DPP10: variants seen among roughly 807,000 people sequenced by gnomAD.
The protein encoded by DPP10 is inactive dipeptidyl peptidase 10.
In DPP10, 33 loss-of-function variants were observed where a neutral mutation model predicts 120.9. The ratio of observed to expected loss-of-function variants is 0.27; its 90% CI spans 0.21 to 0.37. DPP10 has a LOEUF of 0.37. Ranked by LOEUF, DPP10 falls within the 10% of genes least tolerant of loss-of-function variation. DPP10 has a pLI of 1.00. For synonymous variants in DPP10, 337 were observed against 326.1 expected (o/e 1.03, Z -0.36); for missense variants, 816 against 942.8 (o/e 0.87, Z 1.76).
intron 1 of DPP10, among the ~76,000 whole-genome samples, chr2:114,852,855 G>C: frequency 6.6e-6 from 1 of 152,208 alleles, no homozygotes; most frequent in Middle Eastern, 3.4e-3. Context: ...TATCTGGAAA[G>C]CAACTTCAAA....
chr2:114,481,218 C>G (rs550834308), intron 1 of DPP10, among the ~76,000 whole-genome samples: 22 of 151,938 alleles, frequency 1.4e-4, no homozygotes, highest in Non-Finnish European at 2.5e-4. Context: ...ATAGAGCTCT[C>G]TAACCTCAAA....
chr2:114,469,916 A>G (rs1679765326), intron 1 of DPP10, among the ~76,000 whole-genome samples: 1 of 152,184 alleles, frequency 6.6e-6, no homozygotes, highest in Non-Finnish European at 1.5e-5. Flanking sequence ...AGAGAAAGAC[A>G]GTTGGGGGAC....
chr2:114,861,441 A>C lies in DPP10; in HGVS notation c.60+418603A>C, dbSNP rs1460739896. ...TAAGAGTATCATTCTCAACTGAATG[A>C]AAAGTACCATATATTTTCTAAACCA... On this transcript the variant is annotated intron_variant, in intron 1 of 25. Coordinates refer to ENST00000410059, the MANE Select transcript of DPP10 (RefSeq NM_020868.6). 2.0e-5 allele frequency among the ~76,000 whole-genome samples: 3 copies of C among 152,208 alleles called. No homozygotes were observed. The East Asian group carries it at 5.8e-4, about 29-fold the overall frequency.
intron 1 of DPP10, among the ~76,000 whole-genome samples, chr2:115,145,357 T>C (rs1004862158): frequency 2.6e-5 from 4 of 152,282 alleles, no homozygotes; most frequent in East Asian, 3.9e-4. Context: ...ACTGTCTCCA[T>C]AGTTTTGTCT....
At chr2:115,802,165 A>G (rs552540953) in intron 19 of DPP10, among the ~76,000 whole-genome samples, 2,902 of 152,008 alleles carry the variant, frequency 0.019, 105 homozygotes, top group African/African-American at 0.066. Context: ...GTCTTGGGAT[A>G]GTGTATGTGT....
rs373687120 is a variant in DPP10 at position 115,181,865 on chromosome 2, C to T, written c.61-127374C>T. The stretch of plus-strand genomic sequence containing the variant: ...TAGAAGCATGTGGATGATTTAAGAA[C>T]GTTTGAATGTTAAAAATATTATAAG... On this transcript the variant is annotated intron_variant, in intron 1 of 25. Transcript: ENST00000410059. Among the ~76,000 whole-genome samples the T allele has an allele frequency of 4.6e-5, 7 of 152,050 alleles. No individual in the cohort carries two copies. In the South Asian group the frequency reaches 8.3e-4, roughly 18 times the overall value.
At chr2:115,216,072 G>C (rs1327297429) in intron 1 of DPP10, among the ~76,000 whole-genome samples, 2 of 152,154 alleles carry the variant, frequency 1.3e-5, no homozygotes, top group East Asian at 3.9e-4. Context: ...AATATCACAT[G>C]TTCTCACTTA....
At chr2:115,699,199 G>A (rs762328367) in intron 7 of DPP10, among the ~76,000 whole-genome samples, 4 of 152,024 alleles carry the variant, frequency 2.6e-5, no homozygotes, top group Non-Finnish European at 4.4e-5. Context: ...TACCAAAAAT[G>A]CAAAACTTCG....
At chr2:115,210,094 ATGTGCC>A (rs2056406989) in intron 1 of DPP10, among the ~76,000 whole-genome samples, 1 of 152,092 alleles carries the variant, frequency 6.6e-6, no homozygotes, top group Non-Finnish European at 1.5e-5. Flanking sequence ...GTATGTATAC[ATGTGCC>A]ATGTTGGTGT....
At chr2:115,350,253 A>G (rs1267404518) in intron 3 of DPP10, among the ~76,000 whole-genome samples, 1 of 152,146 alleles carries the variant, frequency 6.6e-6, no homozygotes, top group Admixed American at 6.6e-5. Flanking sequence ...AATTATATAT[A>G]TAGTGTATTC....
At chr2:115,391,510 G>C (rs1208712093) in intron 3 of DPP10, among the ~76,000 whole-genome samples, 1 of 152,120 alleles carries the variant, frequency 6.6e-6, no homozygotes, top group Non-Finnish European at 1.5e-5. Flanking sequence ...GACGAATCTG[G>C]ATTTGAGACC....
chr2:115,433,169 C>A (rs1054988349), intron 3 of DPP10, among the ~76,000 whole-genome samples: 2 of 151,956 alleles, frequency 1.3e-5, no homozygotes, highest in Non-Finnish European at 2.9e-5. Flanking sequence ...TGTTATTTTC[C>A]CTTTCTCGTA....
intron 1 of DPP10, among the ~76,000 whole-genome samples, chr2:114,585,803 T>C (rs1690927938): frequency 6.6e-6 from 1 of 152,228 alleles, no homozygotes; most frequent in African/African-American, 2.4e-5. Context: ...TGAATATTTT[T>C]GGACGGAGTA....
At chr2:115,087,688 G>A (rs1708842191) in intron 1 of DPP10, among the ~76,000 whole-genome samples, 1 of 151,656 alleles carries the variant, frequency 6.6e-6, no homozygotes, top group Non-Finnish European at 1.5e-5. Context: ...CGAGTAGCTG[G>A]GATTACAGGC....
At chr2:114,982,672 C>T (rs1408171722) in intron 1 of DPP10, among the ~76,000 whole-genome samples, 1 of 151,752 alleles carries the variant, frequency 6.6e-6, no homozygotes, top group East Asian at 1.9e-4. Flanking sequence ...GCCATCGTGG[C>T]TCCCTGCAGC....
At chr2:115,669,548 A>C (rs1458260232) in intron 5 of DPP10, among the ~76,000 whole-genome samples, 4 of 152,148 alleles carry the variant, frequency 2.6e-5, no homozygotes, top group Non-Finnish European at 5.9e-5. Flanking sequence ...TTGTGACTTA[A>C]TAATACATAT....
chr2:114,595,214 A>T (rs1053902562), intron 1 of DPP10, among the ~76,000 whole-genome samples: 2 of 152,100 alleles, frequency 1.3e-5, no homozygotes, highest in Non-Finnish European at 1.5e-5. Context: ...GACAACGTAC[A>T]CACAGACCAC....
chr2:114,702,302 A>ATT (rs796926049), intron 1 of DPP10, among the ~76,000 whole-genome samples: 257 of 148,048 alleles, frequency 1.7e-3, no homozygotes, highest in African/African-American at 5.9e-3. Flanking sequence ...AAGTGAGGAA[A>ATT]TTTTTTTTTT....
At chr2:114,646,797 C>T (rs892354415) in intron 1 of DPP10, among the ~76,000 whole-genome samples, 2 of 152,198 alleles carry the variant, frequency 1.3e-5, no homozygotes, top group Non-Finnish European at 2.9e-5. Flanking sequence ...AAACCTGAAG[C>T]TGATTTCTTG....
Sources: allele counts gnomAD v4.1 joint callset (sites outside exome capture counted in the v4.1 genomes callset), GRCh38; gene constraint gnomAD v4.1.1; transcripts MANE v1.5; gene names NCBI Gene and HGNC (gene_info 2026-07-23, HGNC 2026-07-21).